The following MOV10L1 variants were observed in gnomAD, a reference collection of about 807,000 sequenced individuals.
MOV10L1 encodes the protein RNA helicase Mov10l1.
In MOV10L1, 110 loss-of-function variants were observed where a neutral mutation model predicts 143.8. That is an observed-to-expected ratio of 0.76 (90% CI 0.66 to 0.90). The LOEUF (loss-of-function observed/expected upper bound fraction) is 0.90. Ranked by LOEUF, MOV10L1 falls within the 40% of genes least tolerant of loss-of-function variation. The pLI is 0.00. For synonymous variants in MOV10L1, 593 were observed against 581.1 expected, an observed-to-expected ratio of 1.02 and a Z score of -0.29; for missense variants, 1,406 against 1,526.8, an observed-to-expected ratio of 0.92 and a Z score of 1.32.
intron 15 of MOV10L1, among the ~76,000 whole-genome samples, chr22:50,141,057 T>C (rs936763984): frequency 1.3e-4 from 20 of 152,136 alleles, no homozygotes; most frequent in Admixed American, 7.9e-4. Flanking sequence ...GGATCCTTTT[T>C]TTTTTTTGTT....
At chr22:50,121,001 C>A (rs1237506842) in intron 10 of MOV10L1, among the ~76,000 whole-genome samples, 1 of 152,214 alleles carries the variant, frequency 6.6e-6, no homozygotes, top group Non-Finnish European at 1.5e-5. Flanking sequence ...GGGCAAGGGT[C>A]CAGGGGAGGA....
Position 50,152,559 on chromosome 22 carries a change from G to A in MOV10L1, c.2893-486G>A, listed in dbSNP as rs751180671. Among the ~76,000 whole-genome samples the A allele has an allele frequency of 6.6e-6, 1 of 152,154 alleles. No individual in the cohort carries two copies. The highest frequency in any genetic ancestry group is 6.5e-5 in the Admixed American group (1 of 15,286). On this transcript the variant is annotated intron_variant, in intron 21 of 26. Transcript: ENST00000262794. This position sits in a 1 kb window ranked among gnomAD's most constrained non-coding sequence, Gnocchi z 4.4. ...CATCAGTGAAGTCACAGCCAGGCCC[G>A]CCCAGGGCTGGCCAGGCCCCCAGAG...
At position 50,107,723 on chromosome 22, in the gene MOV10L1, C is replaced by G. The variant is rs535761204; in HGVS notation, c.443-413C>G. On this transcript the variant is annotated intron_variant, in intron 3 of 26. Transcript: ENST00000262794. ...GCTCTCTGGCACACTGAGGGGCTGGCTGGACCACTGAGTGCTTCCCTCACA... is the reference window on the plus strand; with the variant it reads ...GCTCTCTGGCACACTGAGGGGCTGGGTGGACCACTGAGTGCTTCCCTCACA... Among the ~76,000 whole-genome samples, 14 of 152,310 alleles carry G rather than the reference C, an allele frequency of 9.2e-5. No homozygotes were observed. In the East Asian group the frequency reaches 2.5e-3, roughly 27 times the overall value.
chr22:50,119,055 T>A (rs2062261320), intron 9 of MOV10L1, among the ~76,000 whole-genome samples: 1 of 152,146 alleles, frequency 6.6e-6, no homozygotes, highest in African/African-American at 2.4e-5. Flanking sequence ...ACAGGAGCCT[T>A]GGAGGATCCC....
chr22:50,110,215 C>T (rs755160040), intron 5 of MOV10L1, among the ~76,000 whole-genome samples: 7 of 151,942 alleles, frequency 4.6e-5, no homozygotes, highest in Non-Finnish European at 4.4e-5. Context: ...TTTGGGAGGC[C>T]GAGGTGGGTG....
rs1602318514 is a variant in MOV10L1 at position 50,144,378 on chromosome 22, C to T, written c.2505+135C>T. The T allele has an allele frequency of 8.9e-6, 10 of 1,123,220 alleles. No individual in the cohort carries two copies. The East Asian group carries it at 2.4e-4, about 27-fold the overall frequency. The allele number at this position is 1,123,220 out of a possible 1,614,324, so 69.6% of individuals were successfully genotyped here. On this transcript the variant is annotated intron_variant, in intron 18 of 26. Transcript: ENST00000262794. Reference sequence around the variant, plus strand: ...ACAGAAAGCTGTGTTTGAGAAATGGCTCTGCCATGGGCCCTCCCTCACCGC... The same window carrying T: ...ACAGAAAGCTGTGTTTGAGAAATGGTTCTGCCATGGGCCCTCCCTCACCGC...
At chr22:50,147,064 A>G in intron 19 of MOV10L1, 1 of 1,555,460 alleles carries the variant, frequency 6.4e-7, no homozygotes, top group Non-Finnish European at 8.7e-7. Context: ...CAAGAGCCGA[A>G]GAGCCAGTCC....
In MOV10L1 at chr22:50,108,268, C is replaced by G. The variant is rs753506010; in HGVS notation, c.555+20C>G. The G allele has an allele frequency of 1.0e-5, 16 of 1,594,564 alleles. No homozygotes were observed. The highest frequency in any genetic ancestry group is 1.7e-4 in the Middle Eastern group (1 of 6,058). ...GACAAGGTAGCGTGCCGACTAGTGG[C>G]TCCTCTCTGTGCTTCTGGCAGACCT... On this transcript the variant is annotated intron_variant, in intron 4 of 26. Coordinates refer to ENST00000262794, the MANE Select transcript of MOV10L1 (RefSeq NM_018995.3).
At chr22:50,108,110 C>T in intron 3 of MOV10L1, 26 bp from the exon 4 acceptor site, 1 of 1,604,100 alleles carries the variant, frequency 6.2e-7, no homozygotes, top group Non-Finnish European at 8.5e-7. Context: ...TTAACACTAC[C>T]ATGGCTTTTT....
chr22:50,127,040 T>C (rs1372209174), intron 12 of MOV10L1, among the ~76,000 whole-genome samples: 1 of 152,160 alleles, frequency 6.6e-6, no homozygotes, highest in Admixed American at 6.5e-5. Context: ...TTGTAATGAA[T>C]TAGGCCATCG....
Position 50,158,030 on chromosome 22 carries a change from G to C in MOV10L1, c.3067-27G>C, listed in dbSNP as rs373187944. ...TTCTGGTGAATATTCATGAAGTAAA[G>C]TAGGTTTTCTCTCCTCATCAACCCA... is the stretch of plus-strand genomic sequence containing the variant. On this transcript the variant is annotated intron_variant, in intron 22 of 26. Coordinates refer to ENST00000262794, the MANE Select transcript of MOV10L1 (RefSeq NM_018995.3). The surrounding 1 kb of genome is among the most constrained non-coding windows in gnomAD (Gnocchi z 5.0). 240 of 1,599,766 alleles carry C rather than the reference G, an allele frequency of 1.5e-4. No homozygotes were observed. In the African/African-American group the frequency reaches 3.0e-3, roughly 20 times the overall value.
chr22:50,155,687 G>A (rs1011618564), intron 22 of MOV10L1, among the ~76,000 whole-genome samples: 2 of 152,168 alleles, frequency 1.3e-5, no homozygotes, highest in African/African-American at 2.4e-5. Context: ...TGTTGGCCCA[G>A]CTGGTCTCGA....
chr22:50,109,967 G>A (rs1159606423), intron 5 of MOV10L1, among the ~76,000 whole-genome samples: 5 of 152,090 alleles, frequency 3.3e-5, no homozygotes, highest in Admixed American at 3.3e-4. Flanking sequence ...TGGCCAATAT[G>A]AAGAAACCCT....
Position 50,150,837 on chromosome 22 carries a change from C to G in MOV10L1, c.2830C>G (p.Arg944Gly). 1.2e-6 allele frequency: 2 copies of G among 1,614,214 alleles called. No individual in the cohort carries two copies. The highest frequency in any genetic ancestry group is 1.7e-6 in the Non-Finnish European group (2 of 1,180,034). Residue 944 changes from arginine (R) to glycine (G), a missense_variant, in exon 21 of 27, where the codon CGA (arginine) becomes GGA (glycine). Transcript: ENST00000262794. ...GTCCTTTTTGGAACGGCTGATGTCT[C>G]GACCCGCGTACCAGAGGGACGAAAA... ...NVSFLERLMS[R>G]PAYQRDENAF...
rs774196878 is a variant in MOV10L1, at chr22:50,092,192, T to C, written c.282+7T>C. 13 of 1,606,192 alleles carry C rather than the reference T, an allele frequency of 8.1e-6. No individual in the cohort carries two copies. In the South Asian group the frequency reaches 1.4e-4, roughly 18 times the overall value. On this transcript the variant is annotated splice_region_variant and intron_variant, in intron 2 of 26. Coordinates refer to ENST00000262794, the MANE Select transcript of MOV10L1 (RefSeq NM_018995.3). ...TGGACTGAAAGCAATCAGGGTAAGG[T>C]TTGAGTTCATTTGGGAACAGTTTTT...
intron 1 of MOV10L1, 187 bp downstream of exon 1, chr22:50,090,372 C>A: frequency 6.5e-7 from 1 of 1,535,982 alleles, no homozygotes; most frequent in African/African-American, 1.4e-5. Context: ...AGCATCCCGC[C>A]GCTCTGGGCG....
chr22:50,122,437 T>G (rs568789723), intron 10 of MOV10L1, among the ~76,000 whole-genome samples: 25 of 152,316 alleles, frequency 1.6e-4, no homozygotes, highest in African/African-American at 5.1e-4. Context: ...ATTCTAACAG[T>G]TTTTTGTGGA....
intron 3 of MOV10L1, among the ~76,000 whole-genome samples, chr22:50,102,842 G>T (rs371093654): frequency 6.6e-4 from 100 of 152,132 alleles, no homozygotes; most frequent in Admixed American, 1.1e-3. Flanking sequence ...CAGAGGTTGC[G>T]GTGAGCCAAG....
At chr22:50,151,565 A>G (rs1349072796) in intron 21 of MOV10L1, among the ~76,000 whole-genome samples, 2 of 144,626 alleles carry the variant, frequency 1.4e-5, no homozygotes, top group Non-Finnish European at 1.5e-5. Context: ...ATGAGGGACT[A>G]CCCGCAAGAC....
Sources: allele counts gnomAD v4.1 joint callset (sites outside exome capture counted in the v4.1 genomes callset), GRCh38; gene constraint gnomAD v4.1.1; non-coding constraint Gnocchi (gnomAD v3.1); transcripts MANE v1.5; gene names NCBI Gene and HGNC (gene_info 2026-07-23, HGNC 2026-07-21).